TAB1: variants seen among roughly 807,000 people sequenced by gnomAD.
The protein encoded by TAB1 is TGF-beta activated kinase 1 (MAP3K7) binding protein 1.
Under a neutral mutation model 54.5 loss-of-function variants are expected in TAB1, and 30 were observed. That is an observed-to-expected ratio of 0.55 (90% confidence interval 0.41 to 0.75). The LOEUF (loss-of-function observed/expected upper bound fraction) is 0.75, where lower values mean the gene tolerates loss of function less well. Ranked by LOEUF, TAB1 falls within the 30% of genes least tolerant of loss-of-function variation. The pLI, the probability that TAB1 is intolerant of heterozygous loss-of-function variation, is 0.00. For missense variants in TAB1, 609 were observed against 683.2 expected, an observed-to-expected ratio of 0.89 and a Z score of 1.21; for synonymous variants, 289 against 286.9, an observed-to-expected ratio of 1.01 and a Z score of -0.07.
chr22:39,406,204 C>A lies in TAB1; in HGVS notation c.33+6369C>A, dbSNP rs59336116. Among the ~76,000 whole-genome samples, 244 of 152,026 alleles carry A rather than the reference C, an allele frequency of 1.6e-3. 5 individuals carry two copies. The East Asian group carries it at 0.043, about 27-fold the overall frequency. ...CACAAGGTCAGGAGTTCAAGACCAG[C>A]CTGGCCAAGATGGTGAAACCACGTC... On this transcript the variant is annotated intron_variant, in intron 1 of 10. Coordinates refer to ENST00000216160, the MANE Select transcript of TAB1 (RefSeq NM_006116.3).
At chr22:39,417,247 G>A (rs1399092105) in intron 4 of TAB1, among the ~76,000 whole-genome samples, 1 of 152,258 alleles carries the variant, frequency 6.6e-6, no homozygotes, top group Admixed American at 6.5e-5. Context: ...TTAGCCTGGA[G>A]CTGTAGCGAA....
chr22:39,436,370 C>G (rs1385068251), downstream of TAB1: 1 of 754,072 alleles, frequency 1.3e-6, no homozygotes, highest in Non-Finnish European at 2.3e-6. Context: ...TTTAACCTGG[C>G]AAAGAGTTGG....
chr22:39,430,255 G>A lies in TAB1; in HGVS notation c.*33G>A. On this transcript the variant is annotated 3_prime_UTR_variant, in exon 11 of 11. Coordinates refer to ENST00000216160, the MANE Select transcript of TAB1 (RefSeq NM_006116.3). Reference sequence around the variant, plus strand: ...GGAGAATGCAGCCCAAGCAGGGCCTGGCATGGGGCAGGACAGGGTCCAGCC... The same window carrying A: ...GGAGAATGCAGCCCAAGCAGGGCCTAGCATGGGGCAGGACAGGGTCCAGCC... 2 of 1,606,352 alleles carry A rather than the reference G, an allele frequency of 1.2e-6. No individual in the cohort carries two copies. The highest frequency in any genetic ancestry group is 4.5e-5 in the East Asian group (2 of 44,876).
intron 1 of TAB1, among the ~76,000 whole-genome samples, chr22:39,408,504 GT>G (rs928197362): frequency 2.0e-5 from 3 of 150,238 alleles, no homozygotes; most frequent in Admixed American, 2.0e-4. Context: ...TTTTGTTTTT[GT>G]TTTTGTTTTT....
At chr22:39,408,267 C>CA (rs1926456119) in intron 1 of TAB1, among the ~76,000 whole-genome samples, 1 of 152,224 alleles carries the variant, frequency 6.6e-6, no homozygotes, top group African/African-American at 2.4e-5. Flanking sequence ...TGATTGCCGT[C>CA]AGACACACAG....
intron 9 of TAB1, 33 bp downstream of exon 9, chr22:39,426,958 G>T: frequency 6.3e-7 from 1 of 1,593,388 alleles, no homozygotes; most frequent in African/African-American, 1.3e-5. Context: ...CAGTGCCTGG[G>T]GATGCCATCT....
intron 1 of TAB1, among the ~76,000 whole-genome samples, chr22:39,413,352 T>C (rs1205901732): frequency 2.0e-5 from 3 of 152,198 alleles, no homozygotes; most frequent in Non-Finnish European, 1.5e-5. Context: ...GGATGCCCTC[T>C]ATTTCTTTCT....
Position 39,399,831 on chromosome 22 carries a change from A to G in TAB1, c.29A>G (p.Gln10Arg), listed in dbSNP as rs374708764. ...GCGGCGCAGAGGAGGAGCTTGCTGC[A>G]GAGTGTGAGGAACAGGCCCGCTCTC... MAAQRRSLLQSEQQPSWTDD... is the reference protein window; with the variant it reads MAAQRRSLLRSEQQPSWTDD... Residue 10 changes from glutamine to arginine, a missense_variant, in exon 1 of 11, where the codon CAG becomes CGG. Gln to Arg is a conservative substitution (Grantham distance 43). Coordinates refer to ENST00000216160, the MANE Select transcript of TAB1 (RefSeq NM_006116.3). The G allele has an allele frequency of 1.2e-5, 19 of 1,597,760 alleles. No individual in the cohort carries two copies. The highest frequency in any genetic ancestry group is 1.8e-5 in the Admixed American group (1 of 57,084).
intron 1 of TAB1, among the ~76,000 whole-genome samples, chr22:39,410,891 A>C (rs1049415537): frequency 1.3e-5 from 2 of 152,248 alleles, no homozygotes; most frequent in East Asian, 3.8e-4. Context: ...CAAATAGCCA[A>C]AACAATTTTG....
At chr22:39,416,355 G>A (rs1029178020) in intron 3 of TAB1, among the ~76,000 whole-genome samples, 1 of 152,242 alleles carries the variant, frequency 6.6e-6, no homozygotes, top group African/African-American at 2.4e-5. Context: ...CATACGAGCT[G>A]TCATAGGCCT....
chr22:39,404,146 G>A (rs1311282037), intron 1 of TAB1, among the ~76,000 whole-genome samples: 1 of 152,212 alleles, frequency 6.6e-6, no homozygotes, highest in Non-Finnish European at 1.5e-5. Context: ...TGTGACAGAG[G>A]AAGAAGAGTC....
intron 4 of TAB1, among the ~76,000 whole-genome samples, 161 bp downstream of exon 4, chr22:39,417,038 C>G (rs1375589402): frequency 6.6e-6 from 1 of 152,220 alleles, no homozygotes; most frequent in Non-Finnish European, 1.5e-5. Flanking sequence ...TGAGGGACCT[C>G]GCTGCTCTGC....
chr22:39,401,148 A>G (rs1926127158), intron 1 of TAB1, among the ~76,000 whole-genome samples: 1 of 152,094 alleles, frequency 6.6e-6, no homozygotes, highest in Non-Finnish European at 1.5e-5. Context: ...CACTCAATAA[A>G]TACATTTGTG....
At chr22:39,416,637 TG>T in intron 3 of TAB1, 153 bp from the exon 4 acceptor site, 1 of 724,678 alleles carries the variant, frequency 1.4e-6, no homozygotes, top group Non-Finnish European at 2.4e-6. Context: ...CTTGCAGTGC[TG>T]GGCCAGAGGC....
At chr22:39,436,019 C>T (rs1041260916), downstream of TAB1, among the ~76,000 whole-genome samples, 12 of 152,196 alleles carry the variant, frequency 7.9e-5, no homozygotes, top group African/African-American at 1.9e-4. Flanking sequence ...TGGCTGGGCA[C>T]GGTGGCTCAC....
chr22:39,415,673 C>T lies in TAB1; in HGVS notation c.324+20C>T. Reference sequence around the variant, plus strand: ...CTGCAGGTAATGGTGCCGGGGCCAACAGTGACCCAGCCACATCATGTCCCC... The same window carrying T: ...CTGCAGGTAATGGTGCCGGGGCCAATAGTGACCCAGCCACATCATGTCCCC... On this transcript the variant is annotated intron_variant, in intron 3 of 10. Transcript: ENST00000216160. This position sits in a 1 kb window ranked among gnomAD's most constrained non-coding sequence, Gnocchi z 4.9. 1.3e-6 allele frequency: 2 copies of T among 1,598,570 alleles called. No individual in the cohort carries two copies. Among genetic ancestry groups the T allele is most frequent in the Non-Finnish European group, 1.7e-6 (2 of 1,175,914 alleles).
At chr22:39,411,039 C>G (rs571208858) in intron 1 of TAB1, among the ~76,000 whole-genome samples, 1 of 151,862 alleles carries the variant, frequency 6.6e-6, no homozygotes, top group African/African-American at 2.4e-5. Context: ...AGAAGTAGAC[C>G]CACACAATTC....
Position 39,420,544 on chromosome 22 carries a change from G to A in TAB1, c.776+914G>A, listed in dbSNP as rs182054893. ...ATGTTAGAACTCCTTGCCCTCACGC[G>A]ATCTAGGCAACTGAGTGTCGAATAT... On this transcript the variant is annotated intron_variant, in intron 7 of 10. Coordinates refer to ENST00000216160, the MANE Select transcript of TAB1 (RefSeq NM_006116.3). Among the ~76,000 whole-genome samples the A allele has an allele frequency of 2.0e-5, 3 of 152,298 alleles. No homozygotes were observed. The East Asian group carries it at 5.8e-4, about 29-fold the overall frequency.
At chr22:39,432,125 A>T (rs902730634), downstream of TAB1, among the ~76,000 whole-genome samples, 8 of 152,172 alleles carry the variant, frequency 5.3e-5, no homozygotes, top group Non-Finnish European at 1.0e-4. Flanking sequence ...GCACATCTGA[A>T]GGGGGTGACA....
Sources: allele counts gnomAD v4.1 joint callset (sites outside exome capture counted in the v4.1 genomes callset), GRCh38; gene constraint gnomAD v4.1.1; non-coding constraint Gnocchi (gnomAD v3.1); transcripts MANE v1.5; gene names NCBI Gene and HGNC (gene_info 2026-07-23, HGNC 2026-07-21).